Variants in SLC14A2 observed in about 807,000 individuals in gnomAD.
SLC14A2 encodes the protein urea transporter 2.
Under a neutral mutation model 104.6 loss-of-function variants are expected in SLC14A2, and 91 were observed. The observed-to-expected ratio is 0.87, with a 90% CI of 0.73 to 1.04. SLC14A2 has a LOEUF of 1.04. SLC14A2 is among the 50% of genes least tolerant of loss of function. SLC14A2 has a pLI of 0.00. For synonymous variants in SLC14A2, 476 were observed against 466.4 expected (o/e 1.02, Z -0.27); for missense variants, 1,189 against 1,156.0 (o/e 1.03, Z -0.41).
chr18:45,492,528 G>A (rs2043020337), intron 2 of SLC14A2, among the ~76,000 whole-genome samples: 1 of 152,154 alleles, frequency 6.6e-6, no homozygotes, highest in South Asian at 2.1e-4. Flanking sequence ...CAGCATGGAA[G>A]AAACTGCCCC....
At chr18:45,216,423 T>G (rs1275426111) in intron 1 of SLC14A2, among the ~76,000 whole-genome samples, 1 of 152,188 alleles carries the variant, frequency 6.6e-6, no homozygotes, top group Non-Finnish European at 1.5e-5. Context: ...TCCTGAATAC[T>G]TTGTGCTGGC....
chr18:45,315,988 T>G (rs2085125645), intron 1 of SLC14A2, among the ~76,000 whole-genome samples: 1 of 152,166 alleles, frequency 6.6e-6, no homozygotes, highest in Non-Finnish European at 1.5e-5. Flanking sequence ...AGAATTTGCT[T>G]GTTAGACTTT....
chr18:45,474,285 T>G (rs1386318963), intron 1 of SLC14A2, among the ~76,000 whole-genome samples: 1 of 152,188 alleles, frequency 6.6e-6, no homozygotes, highest in African/African-American at 2.4e-5. Context: ...TTGCCCGTAT[T>G]TTATTGAGGA....
intron 1 of SLC14A2, among the ~76,000 whole-genome samples, chr18:45,358,385 G>T (rs889699915): frequency 3.3e-5 from 5 of 152,058 alleles, no homozygotes; most frequent in African/African-American, 1.2e-4. Context: ...AAAAAGAAAG[G>T]ACCCCAAAAC....
Position 45,377,380 on chromosome 18 carries a change from A to G in SLC14A2, c.-124-105853A>G, listed in dbSNP as rs186217334. ...TTTGTATAACATTGGCATCTACTCC[A>G]ATGACTTTTAAATCCCCAGTACTAA... On this transcript the variant is annotated intron_variant, in intron 1 of 20. Transcript: ENST00000586448. 2.1e-3 allele frequency among the ~76,000 whole-genome samples: 324 copies of G among 152,200 alleles called. 2 individuals are homozygous for G. Among genetic ancestry groups the G allele is most frequent in the East Asian group, 3.7e-3 (19 of 5,178 alleles).
chr18:45,290,639 A>G (rs77990658), intron 1 of SLC14A2, among the ~76,000 whole-genome samples: 15,706 of 152,258 alleles, frequency 0.1, 992 homozygotes, highest in African/African-American at 0.16. Flanking sequence ...GTAAGTGTGA[A>G]ACACACACTG....
intron 2 of SLC14A2, among the ~76,000 whole-genome samples, chr18:45,498,133 A>T (rs1230517720): frequency 2.6e-5 from 4 of 152,276 alleles, no homozygotes; most frequent in Non-Finnish European, 5.9e-5. Context: ...TTAAAAATAG[A>T]AAGTGACAAA....
At chr18:45,356,980 G>A (rs2085560708) in intron 1 of SLC14A2, among the ~76,000 whole-genome samples, 1 of 152,196 alleles carries the variant, frequency 6.6e-6, no homozygotes, top group African/African-American at 2.4e-5. Flanking sequence ...ACAGCAGGAA[G>A]GATGATGCAG....
intron 1 of SLC14A2, among the ~76,000 whole-genome samples, chr18:45,318,691 G>A (rs887914064): frequency 6.6e-6 from 1 of 151,892 alleles, no homozygotes; most frequent in Admixed American, 6.5e-5. Flanking sequence ...GGAGGCTGAG[G>A]CAGGAGAATC....
chr18:45,648,214 T>G (rs1306147010), intron 10 of SLC14A2, among the ~76,000 whole-genome samples: 1 of 127,714 alleles, frequency 7.8e-6, no homozygotes, highest in Non-Finnish European at 1.7e-5. Flanking sequence ...TTTTTTTTTT[T>G]TTTTTTTTTG....
intron 1 of SLC14A2, among the ~76,000 whole-genome samples, chr18:45,290,392 G>A (rs534648555): frequency 1.3e-4 from 20 of 152,296 alleles, no homozygotes; most frequent in Non-Finnish European, 2.1e-4. Context: ...ACTTCTTAGA[G>A]GCTTTATGTG....
intron 2 of SLC14A2, among the ~76,000 whole-genome samples, chr18:45,589,221 T>C (rs1177772376): frequency 6.7e-6 from 1 of 149,568 alleles, no homozygotes; most frequent in African/African-American, 2.5e-5. Flanking sequence ...TATTTATTTG[T>C]AGGGGATTTA....
intron 1 of SLC14A2, among the ~76,000 whole-genome samples, chr18:45,219,627 T>A (rs1395037721): frequency 6.6e-6 from 1 of 152,226 alleles, no homozygotes; most frequent in African/African-American, 2.4e-5. Context: ...GTTCCTTGTT[T>A]TCGTGCCTCT....
intron 1 of SLC14A2, among the ~76,000 whole-genome samples, chr18:45,287,905 C>A (rs538387662): frequency 6.6e-6 from 1 of 152,180 alleles, no homozygotes; most frequent in African/African-American, 2.4e-5. Flanking sequence ...CATCCTTGAC[C>A]CCAGAGGATA....
intron 2 of SLC14A2, among the ~76,000 whole-genome samples, chr18:45,554,728 C>G (rs2044108453): frequency 6.6e-6 from 1 of 152,120 alleles, no homozygotes; most frequent in Non-Finnish European, 1.5e-5. Flanking sequence ...ACAAAGGAAA[C>G]AGCAGGCAGG....
At chr18:45,443,649 G>A (rs2542978) in intron 1 of SLC14A2, among the ~76,000 whole-genome samples, 129,973 of 152,126 alleles carry the variant, frequency 0.85, 55,580 homozygotes, top group South Asian at 0.93. Flanking sequence ...TCTAGTTTCT[G>A]TGATCTTCTG....
chr18:45,517,541 A>C (rs1568254521), intron 2 of SLC14A2, among the ~76,000 whole-genome samples: 1 of 152,210 alleles, frequency 6.6e-6, no homozygotes, highest in Non-Finnish European at 1.5e-5. Flanking sequence ...TTGTGGCATT[A>C]AACCTCAGGC....
chr18:45,444,082 C>G (rs2086725788), intron 1 of SLC14A2, among the ~76,000 whole-genome samples: 1 of 152,138 alleles, frequency 6.6e-6, no homozygotes. Flanking sequence ...AAATTTGTTT[C>G]TATCATAAAG....
At position 45,244,039 on chromosome 18, in the gene SLC14A2, A is replaced by G. The variant is rs544504636; in HGVS notation, c.-125+30848A>G. 1.1e-4 allele frequency among the ~76,000 whole-genome samples: 17 copies of G among 152,248 alleles called. No homozygotes were observed. In the East Asian group the frequency reaches 1.4e-3, roughly 12 times the overall value. ...CCATTCCTGGCCAGCGTACTCATTCATGGGAGCTTACCAAACCGGGTTTCT... is the reference window on the plus strand; with the variant it reads ...CCATTCCTGGCCAGCGTACTCATTCGTGGGAGCTTACCAAACCGGGTTTCT... On this transcript the variant is annotated intron_variant, in intron 1 of 20. Transcript: ENST00000586448.
Sources: allele counts gnomAD v4.1 joint callset (sites outside exome capture counted in the v4.1 genomes callset), GRCh38; gene constraint gnomAD v4.1.1; transcripts MANE v1.5; gene names NCBI Gene and HGNC (gene_info 2026-07-23, HGNC 2026-07-21).